Variants in ABLIM1 observed in about 807,000 individuals in gnomAD.
ABLIM1 encodes actin-binding LIM protein 1.
ABLIM1 carries 40 observed loss-of-function variants against 107.0 expected under a neutral mutation model. The ratio of observed to expected loss-of-function variants is 0.37; its 90% CI spans 0.29 to 0.49. ABLIM1 has a LOEUF of 0.49. Among genes scored for constraint, ABLIM1 ranks in the 20% least tolerant of loss-of-function variants. The pLI is 0.97. For missense variants in ABLIM1, 857 were observed against 1,008.5 expected, an observed-to-expected ratio of 0.85 and a Z score of 2.04; for synonymous variants, 357 against 357.3, an observed-to-expected ratio of 1.00 and a Z score of 0.01.
At chr10:114,534,056 T>C (rs1274600489) in intron 6 of ABLIM1, among the ~76,000 whole-genome samples, 1 of 152,084 alleles carries the variant, frequency 6.6e-6, no homozygotes, top group Non-Finnish European at 1.5e-5. Flanking sequence ...GTCATGAAAA[T>C]TCCCGTGGAA....
chr10:114,690,005 C>T (rs2081039673), intron 1 of ABLIM1: 2 of 602,478 alleles, frequency 3.3e-6, no homozygotes, highest in Admixed American at 2.7e-5. Flanking sequence ...GCATAGGGAA[C>T]AAGGAAAACA....
chr10:114,503,025 T>G lies in ABLIM1; in HGVS notation c.895-11147A>C, dbSNP rs543145266. The stretch of plus-strand genomic sequence containing the variant: ...ATAGAAGCAAATATGTCTGACTTCT[T>G]TCACTCAACACTTTGTGAGAATTAT... On this transcript the variant is annotated intron_variant, in intron 6 of 22. Coordinates refer to ENST00000533213, the MANE Select transcript of ABLIM1 (RefSeq NM_002313.7). 2.6e-5 allele frequency among the ~76,000 whole-genome samples: 4 copies of G among 152,352 alleles called. No homozygotes were observed. In the East Asian group the frequency reaches 7.7e-4, roughly 29 times the overall value.
At chr10:114,711,655 C>T (rs574366366) in intron 1 of ABLIM1, among the ~76,000 whole-genome samples, 1 of 152,274 alleles carries the variant, frequency 6.6e-6, no homozygotes, top group South Asian at 2.1e-4. Context: ...GAGCCAGCAA[C>T]AGTGGGGAGC....
upstream of ABLIM1, among the ~76,000 whole-genome samples, chr10:114,659,966 A>C (rs954524174): frequency 6.6e-6 from 1 of 152,204 alleles, no homozygotes; most frequent in Admixed American, 6.5e-5. Context: ...ATCTATTGGC[A>C]ACACAATTCA....
At chr10:114,475,718 T>C (rs2056263056) in intron 8 of ABLIM1, among the ~76,000 whole-genome samples, 1 of 152,228 alleles carries the variant, frequency 6.6e-6, no homozygotes. Flanking sequence ...TCATAGTATA[T>C]ACCTGAAGAA....
intron 1 of ABLIM1, among the ~76,000 whole-genome samples, chr10:114,627,193 C>A (rs1239278861): frequency 1.3e-5 from 2 of 152,166 alleles, no homozygotes; most frequent in African/African-American, 4.8e-5. Flanking sequence ...AACCTGTTGT[C>A]AGGTCCCATC....
At chr10:114,727,164 G>A (rs1174418602) in intron 1 of ABLIM1, among the ~76,000 whole-genome samples, 1 of 152,026 alleles carries the variant, frequency 6.6e-6, no homozygotes, top group Non-Finnish European at 1.5e-5. Context: ...TGAGTCTGCT[G>A]GCATACCAAG....
At chr10:114,474,795 C>T (rs1009388642) in intron 8 of ABLIM1, among the ~76,000 whole-genome samples, 6 of 152,174 alleles carry the variant, frequency 3.9e-5, no homozygotes, top group African/African-American at 1.4e-4. Context: ...ATAATCCCCA[C>T]GTGTCAAGGA....
the ABLIM1 span, among the ~76,000 whole-genome samples, chr10:114,794,977 T>G: frequency 1.3e-5 from 2 of 152,294 alleles, no homozygotes; most frequent in South Asian, 4.1e-4. Context: ...TTTAAGGAAA[T>G]TGAAAGCTTG....
chr10:114,673,830 A>G (rs2080363045), intron 1 of ABLIM1, among the ~76,000 whole-genome samples: 1 of 152,200 alleles, frequency 6.6e-6, no homozygotes, highest in Non-Finnish European at 1.5e-5. Context: ...TCAATTACTG[A>G]TCTGAATCTT....
At chr10:114,754,951 G>A (rs931187720) in intron 1 of ABLIM1, among the ~76,000 whole-genome samples, 6 of 152,036 alleles carry the variant, frequency 3.9e-5, no homozygotes, top group Non-Finnish European at 5.9e-5. Context: ...TTCCTGAGTG[G>A]TGACAGCAAA....
At chr10:114,565,784 A>ATT in intron 4 of ABLIM1, among the ~76,000 whole-genome samples, 1 of 74,576 alleles carries the variant, frequency 1.3e-5, no homozygotes, top group Non-Finnish European at 2.8e-5. Flanking sequence ...ATCTGAAATG[A>ATT]TTTCTTTTTT....
At chr10:114,742,294 G>T (rs808330) in intron 1 of ABLIM1, among the ~76,000 whole-genome samples, 142,627 of 152,284 alleles carry the variant, frequency 0.94, 66,877 homozygotes, top group East Asian at 0.99. Context: ...TAATTTCACT[G>T]TAAACATTAT....
chr10:114,697,449 G>A (rs762036440), intron 1 of ABLIM1, among the ~76,000 whole-genome samples: 2 of 152,244 alleles, frequency 1.3e-5, no homozygotes, highest in African/African-American at 2.4e-5. Flanking sequence ...GTAGGGGCTG[G>A]GGACCAGAGC....
intron 11 of ABLIM1, among the ~76,000 whole-genome samples, chr10:114,466,109 G>A (rs1187086368): frequency 6.6e-6 from 1 of 152,152 alleles, no homozygotes; most frequent in Non-Finnish European, 1.5e-5. Flanking sequence ...GGGGGCCAAG[G>A]TGGGAGGATG....
intron 1 of ABLIM1, among the ~76,000 whole-genome samples, chr10:114,603,497 T>C (rs1294524434): frequency 6.6e-6 from 1 of 152,124 alleles, no homozygotes; most frequent in Non-Finnish European, 1.5e-5. Context: ...TCCTGGGATC[T>C]CTCTTGAAAA....
chr10:114,601,078 ACAC>A (rs1193409770), intron 2 of ABLIM1, among the ~76,000 whole-genome samples: 1 of 144,558 alleles, frequency 6.9e-6, no homozygotes, highest in African/African-American at 2.7e-5. Context: ...ACACACACAC[ACAC>A]ACACACACAC....
the ABLIM1 span, among the ~76,000 whole-genome samples, chr10:114,782,349 G>A: frequency 6.6e-6 from 1 of 152,072 alleles, no homozygotes; most frequent in Non-Finnish European, 1.5e-5. Context: ...AAGAACAACA[G>A]AAAAGGCAGA....
chr10:114,588,025 G>A (rs1338186511), intron 2 of ABLIM1, among the ~76,000 whole-genome samples: 1 of 152,132 alleles, frequency 6.6e-6, no homozygotes, highest in Non-Finnish European at 1.5e-5. Flanking sequence ...TCCCTATGAA[G>A]GCAGAGATCA....
Sources: allele counts gnomAD v4.1 joint callset (sites outside exome capture counted in the v4.1 genomes callset), GRCh38; gene constraint gnomAD v4.1.1; transcripts MANE v1.5; gene names NCBI Gene and HGNC (gene_info 2026-07-23, HGNC 2026-07-21).